SAXO1: variants seen among roughly 807,000 people sequenced by gnomAD.
SAXO1 encodes the protein stabilizer of axonemal microtubules 1.
Under a neutral mutation model 17.5 loss-of-function variants are expected in SAXO1, and 21 were observed. That is an observed-to-expected ratio of 1.20 (90% confidence interval 0.85 to 1.72). The LOEUF (loss-of-function observed/expected upper bound fraction) is 1.72. Among genes scored for constraint, SAXO1 ranks in the 40% most tolerant of loss-of-function variants. The pLI is 0.00. For missense variants in SAXO1, 843 were observed against 596.0 expected (o/e 1.41, Z -4.32); for synonymous variants, 274 against 216.5 (o/e 1.27, Z -2.33).
At chr9:18,995,141 C>G (rs1833951531) in intron 1 of SAXO1, among the ~76,000 whole-genome samples, 1 of 152,174 alleles carries the variant, frequency 6.6e-6, no homozygotes. Flanking sequence ...TTCTCCCTCC[C>G]TTTTCTCCCC....
chr9:19,013,203 A>C (rs1301226795), intron 1 of SAXO1, among the ~76,000 whole-genome samples: 3 of 152,194 alleles, frequency 2.0e-5, no homozygotes, highest in Non-Finnish European at 4.4e-5. Flanking sequence ...GCGATGAAAG[A>C]CTAAATAACA....
chr9:19,018,817 G>A (rs545928027), intron 1 of SAXO1, among the ~76,000 whole-genome samples: 17 of 152,308 alleles, frequency 1.1e-4, no homozygotes, highest in African/African-American at 3.4e-4. Flanking sequence ...GCTGCCTTAA[G>A]AACCTTCTTA....
intron 1 of SAXO1, among the ~76,000 whole-genome samples, chr9:18,963,819 C>T (rs1323246526): frequency 6.6e-6 from 1 of 152,114 alleles, no homozygotes; most frequent in South Asian, 2.1e-4. Flanking sequence ...CCAGAATTTC[C>T]AATACTGTGT....
At chr9:19,026,524 C>G (rs1335685291) in intron 1 of SAXO1, among the ~76,000 whole-genome samples, 1 of 152,180 alleles carries the variant, frequency 6.6e-6, no homozygotes, top group Non-Finnish European at 1.5e-5. Flanking sequence ...CCCACTCCCC[C>G]ACCTAACCAC....
chr9:19,041,854 T>C (rs1181170841), intron 1 of SAXO1, among the ~76,000 whole-genome samples: 2 of 152,106 alleles, frequency 1.3e-5, no homozygotes, highest in African/African-American at 4.8e-5. Flanking sequence ...CAAGAAAACA[T>C]TGGAAAACTC....
intron 1 of SAXO1, among the ~76,000 whole-genome samples, chr9:19,044,943 G>T (rs1034371157): frequency 1.3e-5 from 2 of 152,080 alleles, no homozygotes; most frequent in African/African-American, 4.8e-5. Flanking sequence ...CCTCCAAATG[G>T]TTCAAGAATC....
At position 19,015,530 on chromosome 9, in the gene SAXO1, G is replaced by A. The variant is rs143825372; in HGVS notation, c.38+17341C>T. On this transcript the variant is annotated intron_variant, in intron 1 of 3. Transcript: ENST00000380534. ...GGCTAATTTTTGTATATTTAGTAGA[G>A]ATGGAGTTTCACCACGTTGGCCAAG... Among the ~76,000 whole-genome samples the A allele has an allele frequency of 2.3e-3, 355 of 152,170 alleles. 1 individual carries two copies. Among genetic ancestry groups the A allele is most frequent in the African/African-American group, 8.0e-3 (332 of 41,508 alleles).
At chr9:19,001,592 G>A (rs756128123) in intron 1 of SAXO1, among the ~76,000 whole-genome samples, 30 of 152,006 alleles carry the variant, frequency 2.0e-4, no homozygotes, top group Middle Eastern at 6.8e-3. Context: ...GCATGAACCC[G>A]GGAGGCGGAG....
At chr9:18,938,677 C>A (rs1273187399) in intron 3 of SAXO1, among the ~76,000 whole-genome samples, 2 of 152,034 alleles carry the variant, frequency 1.3e-5, no homozygotes, top group Non-Finnish European at 2.9e-5. Context: ...TCAGTTTAAG[C>A]TGTGGAATAC....
At chr9:18,984,495 C>T (rs1016186724) in intron 1 of SAXO1, among the ~76,000 whole-genome samples, 1 of 152,238 alleles carries the variant, frequency 6.6e-6, no homozygotes, top group African/African-American at 2.4e-5. Context: ...TTCCGGATAA[C>T]TTGCTGTAGC....
intron 1 of SAXO1, among the ~76,000 whole-genome samples, chr9:18,997,678 C>A (rs571343087): frequency 1.4e-3 from 210 of 152,324 alleles, no homozygotes; most frequent in African/African-American, 4.8e-3. Flanking sequence ...GTCCCTGACC[C>A]CCATGTAGCC....
chr9:18,966,430 G>GT (rs1588452314), intron 1 of SAXO1, among the ~76,000 whole-genome samples: 1 of 152,140 alleles, frequency 6.6e-6, no homozygotes, highest in Admixed American at 6.5e-5. Flanking sequence ...TGAAGGGTTT[G>GT]TTTTTTCCTT....
chr9:18,971,493 A>G (rs945690005), intron 1 of SAXO1, among the ~76,000 whole-genome samples: 3 of 152,126 alleles, frequency 2.0e-5, no homozygotes, highest in African/African-American at 7.2e-5. Flanking sequence ...ATGATTTTAG[A>G]AAAAAATGCC....
chr9:18,949,219 C>T (rs754596198), intron 2 of SAXO1, among the ~76,000 whole-genome samples: 3 of 152,186 alleles, frequency 2.0e-5, no homozygotes, highest in Non-Finnish European at 4.4e-5. Flanking sequence ...TGCACTTAAA[C>T]CAAATCATTT....
rs72694600 is a variant in SAXO1, at chr9:18,985,959, C to A, written c.39-35022G>T. 8.9e-3 allele frequency among the ~76,000 whole-genome samples: 1,352 copies of A among 152,240 alleles called. 7 individuals are homozygous for A. Among genetic ancestry groups the A allele is most frequent in the South Asian group, 0.019 (92 of 4,812 alleles). On this transcript the variant is annotated intron_variant, in intron 1 of 3. Coordinates refer to ENST00000380534, the MANE Select transcript of SAXO1 (RefSeq NM_153707.4). ...GGTCAGACTTGCTCATGGTTTCCTA[C>A]CAAGAAGTAAGAATTACTCCCTAGA...
At chr9:18,951,066 C>G in intron 1 of SAXO1, 129 bp from the exon 2 acceptor site, 1 of 951,984 alleles carries the variant, frequency 1.1e-6, no homozygotes. Flanking sequence ...AACCAGAATT[C>G]AACGGTTACT....
At chr9:18,978,846 ACCGTATCAAT>A (rs533830363) in intron 1 of SAXO1, among the ~76,000 whole-genome samples, 80 of 152,108 alleles carry the variant, frequency 5.3e-4, no homozygotes, top group African/African-American at 1.7e-3. Flanking sequence ...AGACACCAAA[ACCGTATCAAT>A]CCCCAACTCT....
intron 1 of SAXO1, among the ~76,000 whole-genome samples, 161 bp downstream of exon 1, chr9:19,032,710 G>A (rs1209707486): frequency 1.3e-5 from 2 of 152,224 alleles, no homozygotes; most frequent in African/African-American, 2.4e-5. Context: ...TGTGGCGTCC[G>A]CGGGCACAAC....
chr9:19,040,870 G>A (rs1396452348), intron 1 of SAXO1, among the ~76,000 whole-genome samples: 1 of 151,358 alleles, frequency 6.6e-6, no homozygotes, highest in Non-Finnish European at 1.5e-5. Context: ...GGTGGTAACA[G>A]AACTATATAC....
Sources: allele counts gnomAD v4.1 joint callset (sites outside exome capture counted in the v4.1 genomes callset), GRCh38; gene constraint gnomAD v4.1.1; transcripts MANE v1.5; gene names NCBI Gene and HGNC (gene_info 2026-07-23, HGNC 2026-07-21).